NAV2: variants seen among roughly 807,000 people sequenced by gnomAD.
NAV2 encodes neuron navigator 2, also known as helicase, APC down-regulated 1.
NAV2 carries 54 observed loss-of-function variants against 223.2 expected under a neutral mutation model. The ratio of observed to expected loss-of-function variants is 0.24; its 90% CI spans 0.19 to 0.30. The LOEUF is 0.30. NAV2 is among the 10% of genes least tolerant of loss of function. The probability of loss-of-function intolerance (pLI) is 1.00; values close to 1 mark genes in which losing one functional copy is unlikely to be tolerated. For synonymous variants in NAV2, 1,279 were observed against 1,239.3 expected, an observed-to-expected ratio of 1.03 and a Z score of -0.67; for missense variants, 2,806 against 3,147.5, an observed-to-expected ratio of 0.89 and a Z score of 2.60.
At chr11:19,548,876 C>CAAAAAAA (rs10709105) in intron 1 of NAV2, among the ~76,000 whole-genome samples, 2 of 78,612 alleles carry the variant, frequency 2.5e-5, no homozygotes, top group African/African-American at 8.8e-5. Flanking sequence ...GGCTCCGTCT[C>CAAAAAAA]AAAAAAAAAA....
At chr11:19,433,357 G>C (rs975983277) in intron 1 of NAV2, among the ~76,000 whole-genome samples, 6 of 152,154 alleles carry the variant, frequency 3.9e-5, no homozygotes, top group African/African-American at 1.4e-4. Flanking sequence ...ATTCTCTAGA[G>C]GAAATTTCTG....
Position 20,048,710 on chromosome 11 carries a change from C to A in NAV2, c.3903-18C>A. The A allele has an allele frequency of 6.2e-7, 1 of 1,609,320 alleles. No individual in the cohort carries two copies. The highest frequency in any genetic ancestry group is 8.5e-7 in the Non-Finnish European group (1 of 1,176,712). ...GGCACTGGGTGTTCAACCTACACAA[C>A]CCTTTGTCTCTTCACAGACTCTTTG... On this transcript the variant is annotated intron_variant, in intron 14 of 37. Transcript: ENST00000349880.
intron 1 of NAV2, among the ~76,000 whole-genome samples, chr11:19,513,839 G>A (rs2134253400): frequency 6.6e-6 from 1 of 152,322 alleles, no homozygotes; most frequent in Middle Eastern, 3.4e-3. Context: ...TCTGTGCAAT[G>A]AAGAGGCAGA....
intron 1 of NAV2, among the ~76,000 whole-genome samples, chr11:19,464,974 C>T (rs1344838111): frequency 6.6e-6 from 1 of 152,148 alleles, no homozygotes; most frequent in Non-Finnish European, 1.5e-5. Flanking sequence ...TATAATATTA[C>T]TATTTTTACG....
In NAV2 at chr11:19,871,738, C is replaced by T. The variant is rs149261706; in HGVS notation, c.511+2741C>T. Among the ~76,000 whole-genome samples, 1,198 of 152,280 alleles carry T rather than the reference C, an allele frequency of 7.9e-3. 13 individuals carry two copies. The highest frequency in any genetic ancestry group is 0.027 in the African/African-American group (1,139 of 41,546). ...AGCGGTCCCCCACCAGACAGTCTCT[C>T]TCCGGTTCTTTTCCTCATTCAGGTG... On this transcript the variant is annotated intron_variant, in intron 4 of 37. Transcript: ENST00000349880.
At chr11:20,042,212 T>A (rs1392202682) in intron 12 of NAV2, among the ~76,000 whole-genome samples, 1 of 152,246 alleles carries the variant, frequency 6.6e-6, no homozygotes, top group Non-Finnish European at 1.5e-5. Context: ...AAGATTGAGA[T>A]AAAGATAACA....
chr11:19,945,185 CCCTTCCCTTCCCTTCCCTTTCTTT>C (rs1411581700), intron 8 of NAV2, among the ~76,000 whole-genome samples: 46 of 85,048 alleles, frequency 5.4e-4, no homozygotes, highest in African/African-American at 1.4e-3. Context: ...CCCTTCCCTT[CCCTTCCCTTCCCTTCCCTTTCTTT>C]CCTTTCCTTC....
At chr11:19,576,139 C>T (rs1283196154) in intron 1 of NAV2, among the ~76,000 whole-genome samples, 2 of 152,192 alleles carry the variant, frequency 1.3e-5, no homozygotes, top group Non-Finnish European at 2.9e-5. Flanking sequence ...AATGGGTCCT[C>T]CTCTGTCTAC....
At chr11:19,440,108 T>TGTG (rs1851346858) in intron 1 of NAV2, among the ~76,000 whole-genome samples, 1 of 152,202 alleles carries the variant, frequency 6.6e-6, no homozygotes, top group Non-Finnish European at 1.5e-5. Flanking sequence ...ATCACACACG[T>TGTG]AAAAAATAAT....
At chr11:19,794,974 A>C (rs971590232) in intron 1 of NAV2, among the ~76,000 whole-genome samples, 5 of 152,256 alleles carry the variant, frequency 3.3e-5, no homozygotes, top group African/African-American at 1.2e-4. Flanking sequence ...ATTTAACTTA[A>C]AAGGCCTAGC....
chr11:19,637,579 A>T (rs1057311150), intron 1 of NAV2, among the ~76,000 whole-genome samples: 1 of 152,272 alleles, frequency 6.6e-6, no homozygotes, highest in Non-Finnish European at 1.5e-5. Flanking sequence ...CAGGAAGTGT[A>T]GCCCCGGCAT....
intron 1 of NAV2, among the ~76,000 whole-genome samples, chr11:19,583,391 C>G (rs1257954217): frequency 1.3e-5 from 2 of 152,176 alleles, no homozygotes; most frequent in African/African-American, 2.4e-5. Flanking sequence ...CCTGATTGCC[C>G]TGGCCAGAAC....
At position 19,665,340 on chromosome 11, in the gene NAV2, C is replaced by T. The variant is rs77576723; in HGVS notation, c.76-167144C>T. ...AGTGCTCCTTTCAGGTCTGTGGAGC[C>T]GATGCTGTTTCTGAGGCAGCTGAGC... is the stretch of plus-strand genomic sequence containing the variant. On this transcript the variant is annotated intron_variant, in intron 1 of 37. Transcript: ENST00000360655. Among the ~76,000 whole-genome samples, 1,160 of 152,230 alleles carry T rather than the reference C, an allele frequency of 7.6e-3. 23 individuals are homozygous for T. Among genetic ancestry groups the T allele is most frequent in the East Asian group, 0.063 (325 of 5,182 alleles).
At position 20,090,746 on chromosome 11, in the gene NAV2, G is replaced by A. The variant is rs2060784935; in HGVS notation, c.5499-119G>A. On this transcript the variant is annotated intron_variant, in intron 26 of 37. Coordinates refer to ENST00000349880, the MANE Select transcript of NAV2 (RefSeq NM_145117.5). ...CTTTTGGCATTGTCACCCACAGGAA[G>A]CACCAGGCAGCTGGTTATTCACAGT... 1.1e-5 allele frequency: 11 copies of A among 999,154 alleles called. No individual in the cohort carries two copies. In the East Asian group the frequency reaches 2.9e-4, roughly 26 times the overall value. 61.9% of individuals were successfully genotyped at this position (999,154 alleles called of 1,614,324 possible). A position where few individuals can be genotyped will look rare whatever the true frequency, so the allele number is the denominator to read the frequency against.
At chr11:19,359,635 C>T (rs1309669953) in intron 1 of NAV2, among the ~76,000 whole-genome samples, 1 of 152,136 alleles carries the variant, frequency 6.6e-6, no homozygotes, top group East Asian at 1.9e-4. Context: ...AAACAAATGA[C>T]GTCACCAGTC....
chr11:19,548,896 A>AAG (rs2044598207), intron 1 of NAV2, among the ~76,000 whole-genome samples: 1 of 138,736 alleles, frequency 7.2e-6, no homozygotes, highest in African/African-American at 2.5e-5. Flanking sequence ...AAAAAAAAAA[A>AAG]CACCCTCAAG....
intron 1 of NAV2, among the ~76,000 whole-genome samples, chr11:19,632,432 GT>G (rs2047374014): frequency 6.6e-6 from 1 of 152,220 alleles, no homozygotes; most frequent in Non-Finnish European, 1.5e-5. Flanking sequence ...CAAACTGAAA[GT>G]GTTGTCTAGG....
intron 1 of NAV2, among the ~76,000 whole-genome samples, chr11:19,645,266 A>G (rs528537347): frequency 6.6e-6 from 1 of 152,230 alleles, no homozygotes; most frequent in East Asian, 1.9e-4. Context: ...AGCCTCCCTC[A>G]TGCTGCATCA....
chr11:19,901,228 C>G (rs1229382054), intron 6 of NAV2, among the ~76,000 whole-genome samples: 1 of 152,174 alleles, frequency 6.6e-6, no homozygotes, highest in African/African-American at 2.4e-5. Flanking sequence ...CTAGTTTTAG[C>G]AGGACTTCTT....
Sources: gnomAD v4.1 joint callset for allele counts (sites outside exome capture counted in the v4.1 genomes callset) on GRCh38, gnomAD v4.1.1 for gene constraint, MANE v1.5 for transcripts, NCBI Gene and HGNC (gene_info 2026-07-23, HGNC 2026-07-21) for gene names.